The following NSD2 variants were observed in gnomAD, a reference collection of about 807,000 sequenced individuals.
NSD2 encodes histone-lysine N-methyltransferase NSD2.
Under a neutral mutation model 139.0 loss-of-function variants are expected in NSD2, and 12 were observed. The observed-to-expected ratio is 0.09, with a 90% CI of 0.06 to 0.14. NSD2 has a LOEUF of 0.14. Among genes scored for constraint, NSD2 ranks in the 10% least tolerant of loss-of-function variants. The pLI, the probability that NSD2 is intolerant of heterozygous loss-of-function variation, is 1.00. For synonymous variants in NSD2, 669 were observed against 648.7 expected, an observed-to-expected ratio of 1.03 and a Z score of -0.48; for missense variants, 1,155 against 1,745.0, an observed-to-expected ratio of 0.66 and a Z score of 6.02.
intron 1 of NSD2, among the ~76,000 whole-genome samples, chr4:1,882,267 T>C (rs1259188197): frequency 6.6e-6 from 1 of 152,208 alleles, no homozygotes; most frequent in Non-Finnish European, 1.5e-5. Context: ...CATTGGAAAG[T>C]GACACGTAAC....
chr4:1,938,566 C>T (rs1469289443), intron 8 of NSD2, 34 bp downstream of exon 8: 5 of 785,034 alleles, frequency 6.4e-6, no homozygotes, highest in African/African-American at 3.8e-5. Context: ...TTCTTGGCTT[C>T]TGGGTGCCCA....
intron 1 of NSD2, among the ~76,000 whole-genome samples, chr4:1,896,791 TTTCTTTCTCTCTCA>T (rs1716394852): frequency 6.6e-6 from 1 of 151,338 alleles, no homozygotes; most frequent in African/African-American, 2.5e-5. Context: ...TTTTCTTTTC[TTTCTTTCTCTCTCA>T]TTCTTTCTTT....
rs1727709025 is a variant in NSD2, at chr4:1,981,034, A to T, written c.*2125A>T. The T allele has an allele frequency of 4.3e-6, 1 of 233,184 alleles. No individual in the cohort carries two copies. The highest frequency in any genetic ancestry group is 2.2e-5 in the African/African-American group (1 of 45,362). The allele number at this position is 233,184 out of a possible 1,614,324, so 14.4% of individuals were successfully genotyped here. A position where few individuals can be genotyped will look rare whatever the true frequency, so the allele number is the denominator to read the frequency against. On this transcript the variant is annotated 3_prime_UTR_variant, in exon 22 of 22. Transcript: ENST00000508803. The stretch of plus-strand genomic sequence containing the variant: ...GTAAGGGACTACCAATGCTTACGTC[A>T]AAACAGCAGAATCGGCTTTGCAGTG...
intron 9 of NSD2, chr4:1,943,718 A>G (rs1723334765): frequency 9.5e-7 from 1 of 1,054,750 alleles, no homozygotes; most frequent in Non-Finnish European, 1.1e-6. Flanking sequence ...GAGTAAAATT[A>G]AAATTCTCAA....
Position 1,958,118 on chromosome 4 carries a change from A to AGCC in NSD2, c.2985+82_2985+83insGCC. Reference sequence around the variant, plus strand: ...AGAGGTTCTTAGGCACACCCAGGCTATGGCTGGGGAGAGGACTGTCACCAG... The same window carrying AGCC: ...AGAGGTTCTTAGGCACACCCAGGCTAGCCTGGCTGGGGAGAGGACTGTCACCAG... On this transcript the variant is annotated intron_variant, in intron 16 of 21. Coordinates refer to ENST00000508803, the MANE Select transcript of NSD2 (RefSeq NM_001042424.3). The surrounding 1 kb of genome is among the most constrained non-coding windows in gnomAD (Gnocchi z 4.6). 1 of 1,387,396 alleles carries AGCC rather than the reference A, an allele frequency of 7.2e-7. No homozygotes were observed. Among genetic ancestry groups the AGCC allele is most frequent in the Non-Finnish European group, 1.0e-6 (1 of 993,298 alleles). The allele number at this position is 1,387,396 out of a possible 1,614,324, so 85.9% of individuals were successfully genotyped here. A position where few individuals can be genotyped will look rare whatever the true frequency, so the allele number is the denominator to read the frequency against.
intron 21 of NSD2, 146 bp from the exon 22 acceptor site, chr4:1,978,492 A>ACAGTTTGTCTGCC: frequency 8.5e-7 from 1 of 1,178,292 alleles, no homozygotes; most frequent in Non-Finnish European, 1.2e-6. Flanking sequence ...GCTGTGGTAG[A>ACAGTTTGTCTGCC]CAGTTTGTCT....
At chr4:1,872,583 TGTGTGTGTGAGA>T (rs1713885804) in intron 1 of NSD2, among the ~76,000 whole-genome samples, 2 of 62,692 alleles carry the variant, frequency 3.2e-5, no homozygotes, top group African/African-American at 1.1e-4. Flanking sequence ...TGTGTGTGTG[TGTGTGTGTGAGA>T]GAGAGAGAGA....
chr4:1,887,194 A>G (rs1048637824), intron 1 of NSD2, among the ~76,000 whole-genome samples: 2 of 152,112 alleles, frequency 1.3e-5, no homozygotes, highest in African/African-American at 2.4e-5. Flanking sequence ...CATTCTTCCC[A>G]GTGTGGTCTA....
intron 18 of NSD2, among the ~76,000 whole-genome samples, chr4:1,971,232 A>G (rs906405592): frequency 6.6e-6 from 1 of 152,132 alleles, no homozygotes; most frequent in Non-Finnish European, 1.5e-5. Context: ...GCCAAGGTGA[A>G]GTCGAAGAAA....
intron 2 of NSD2, among the ~76,000 whole-genome samples, chr4:1,902,634 T>G (rs1440640819): frequency 6.6e-6 from 1 of 152,146 alleles, no homozygotes; most frequent in Non-Finnish European, 1.5e-5. Flanking sequence ...AGACAGGGTC[T>G]TGGTATGTTG....
rs368799821 is a variant in NSD2 at position 1,978,839 on chromosome 4, C to G, written c.4028C>G (p.Pro1343Arg). ...AGCACCAAGACTGAGAAGCCCCCCC[C>G]AGAGCCAGGGAAGCCGAAGGGGAAG... ...VRSTKTEKPP[P>R]EPGKPKGKRR... The change falls in exon 22 of 22, where the codon CCA (proline) becomes CGA (arginine). Residue 1343 changes from proline to arginine, a missense_variant. Physicochemically the swap from Pro to Arg is moderately radical, Grantham distance 103 (BLOSUM62 -2). Around this residue, in one of 8 missense-constraint regions of NSD2, gnomAD observed 132 missense variants for 94.3 expected, o/e 1.40. Coordinates refer to ENST00000508803, the MANE Select transcript of NSD2 (RefSeq NM_001042424.3). 3.1e-6 allele frequency: 5 copies of G among 1,603,548 alleles called. No homozygotes were observed. The highest frequency in any genetic ancestry group is 3.4e-5 in the Admixed American group (2 of 59,542).
Position 1,976,953 on chromosome 4 carries a change from G to C in NSD2, c.3826+274G>C, listed in dbSNP as rs979636824. ...TCAGGCAGCCCAAGGCCCAGCTGCA[G>C]AATTGGGGCCCTCATCCATGCTGTG... On this transcript the variant is annotated intron_variant, in intron 21 of 21. Coordinates refer to ENST00000508803, the MANE Select transcript of NSD2 (RefSeq NM_001042424.3). This position sits in a 1 kb window ranked among gnomAD's most constrained non-coding sequence, Gnocchi z 5.3. 2.0e-5 allele frequency among the ~76,000 whole-genome samples: 3 copies of C among 152,270 alleles called. No homozygotes were observed. Among genetic ancestry groups the C allele is most frequent in the Admixed American group, 2.0e-4 (3 of 15,292 alleles).
At chr4:1,893,483 TA>T (rs1715802377) in intron 1 of NSD2, among the ~76,000 whole-genome samples, 3 of 151,852 alleles carry the variant, frequency 2.0e-5, no homozygotes. Context: ...AAAAAATAAA[TA>T]AATAAACTCT....
intron 17 of NSD2, 68 bp downstream of exon 17, chr4:1,959,808 T>C: frequency 6.3e-7 from 1 of 1,575,416 alleles, no homozygotes; most frequent in Non-Finnish European, 8.6e-7. Context: ...GGCCTAGGTT[T>C]GCTTGTGGTG....
At chr4:1,879,781 T>G (rs1035628623) in intron 1 of NSD2, among the ~76,000 whole-genome samples, 2 of 152,016 alleles carry the variant, frequency 1.3e-5, no homozygotes, top group Admixed American at 6.6e-5. Context: ...CCTTTCCCTA[T>G]TTCTACCAGA....
chr4:1,961,391 T>C (rs1036395770), intron 18 of NSD2, among the ~76,000 whole-genome samples: 2 of 152,232 alleles, frequency 1.3e-5, no homozygotes, highest in African/African-American at 4.8e-5. Flanking sequence ...CGGGTGTGCA[T>C]GCAGAGCGTT....
chr4:1,915,058 C>T (rs1259255073), intron 3 of NSD2, among the ~76,000 whole-genome samples: 7 of 149,136 alleles, frequency 4.7e-5, no homozygotes, highest in African/African-American at 1.7e-4. Flanking sequence ...TTTCTTCTTT[C>T]TGGGAGATTT....
intron 7 of NSD2, 134 bp from the exon 8 acceptor site, chr4:1,938,317 C>A (rs1722642444): frequency 2.8e-6 from 2 of 707,000 alleles, no homozygotes; most frequent in Admixed American, 3.7e-5. Context: ...TTTTCAGCAA[C>A]CTGTGTTCAT....
chr4:1,895,633 C>T (rs1577378049), intron 1 of NSD2, among the ~76,000 whole-genome samples: 2 of 152,144 alleles, frequency 1.3e-5, no homozygotes, highest in Admixed American at 1.3e-4. Flanking sequence ...ATGCCTGGCT[C>T]CTGGAGGATC....
Sources: allele counts gnomAD v4.1 joint callset (sites outside exome capture counted in the v4.1 genomes callset), GRCh38; gene constraint gnomAD v4.1.1; regional missense constraint gnomAD v4.1.1; non-coding constraint Gnocchi (gnomAD v3.1); transcripts MANE v1.5; gene names NCBI Gene and HGNC (gene_info 2026-07-23, HGNC 2026-07-21).